The following GPBP1 variants were observed in gnomAD, a reference collection of about 807,000 sequenced individuals.
GPBP1 encodes vasculin.
GPBP1 carries 13 observed loss-of-function variants against 56.5 expected under a neutral mutation model. That is an observed-to-expected ratio of 0.23 (90% CI 0.15 to 0.37). The LOEUF (loss-of-function observed/expected upper bound fraction) is 0.37, where lower values mean the gene tolerates loss of function less well. Among genes scored for constraint, GPBP1 ranks in the 10% least tolerant of loss-of-function variants. The pLI is 1.00. For missense variants in GPBP1, 477 were observed against 572.3 expected (o/e 0.83, Z 1.70); for synonymous variants, 204 against 188.9 (o/e 1.08, Z -0.66).
intron 10 of GPBP1, among the ~76,000 whole-genome samples, chr5:57,252,078 C>T (rs1741417165): frequency 1.3e-5 from 2 of 152,038 alleles, no homozygotes; most frequent in Non-Finnish European, 2.9e-5. Flanking sequence ...GATAATTTCT[C>T]CCATTCTGTG....
chr5:57,214,475 T>G (rs1300478866), intron 3 of GPBP1, among the ~76,000 whole-genome samples: 2 of 151,920 alleles, frequency 1.3e-5, no homozygotes, highest in Admixed American at 6.6e-5. Context: ...TTCCCAGCTA[T>G]TCAAGAGGCT....
chr5:57,227,865 A>G (rs944006799), intron 3 of GPBP1, among the ~76,000 whole-genome samples: 2 of 152,234 alleles, frequency 1.3e-5, no homozygotes, highest in Admixed American at 6.5e-5. Context: ...TATAGCCAGC[A>G]TAGTAAAATA....
intron 3 of GPBP1, among the ~76,000 whole-genome samples, chr5:57,229,781 T>G (rs150234385): frequency 6.1e-4 from 93 of 152,140 alleles, no homozygotes; most frequent in African/African-American, 2.1e-3. Flanking sequence ...TCAGGTGATC[T>G]GCCCACCTCA....
At chr5:57,219,419 C>CACA (rs1755848503) in intron 3 of GPBP1, among the ~76,000 whole-genome samples, 6 of 68,052 alleles carry the variant, frequency 8.8e-5, no homozygotes, top group Non-Finnish European at 1.5e-4. Flanking sequence ...AACAAACAAA[C>CACA]AAAAAAAAAA....
chr5:57,191,549 T>G (rs1312453644), intron 2 of GPBP1, among the ~76,000 whole-genome samples: 1 of 129,822 alleles, frequency 7.7e-6, no homozygotes, highest in Non-Finnish European at 1.6e-5. Context: ...AAAATACATT[T>G]ATCTTTAGGT....
chr5:57,213,359 C>A (rs1053757922), intron 2 of GPBP1, among the ~76,000 whole-genome samples: 1 of 152,104 alleles, frequency 6.6e-6, no homozygotes, highest in Admixed American at 6.6e-5. Context: ...CCGGTGTCTT[C>A]CTTCTAAAAC....
Position 57,246,283 on chromosome 5 carries a change from A to T in GPBP1, c.479-17A>T. ...TTGAAATTGTGAGTGACTCTTGGTC[A>T]TGCTTTATTTATGCAGAATATCCTC... is the stretch of plus-strand genomic sequence containing the variant. On this transcript the variant is annotated splice_polypyrimidine_tract_variant and intron_variant, in intron 6 of 11. Coordinates refer to ENST00000506184, the MANE Select transcript of GPBP1 (RefSeq NM_022913.4). 1 of 1,593,810 alleles carries T rather than the reference A, an allele frequency of 6.3e-7. No homozygotes were observed. The highest frequency in any genetic ancestry group is 8.6e-7 in the Non-Finnish European group (1 of 1,167,380).
chr5:57,180,633 CTGTA>C (rs1433658545), intron 2 of GPBP1, among the ~76,000 whole-genome samples: 3 of 152,114 alleles, frequency 2.0e-5, no homozygotes, highest in Non-Finnish European at 2.9e-5. Flanking sequence ...GCCTGTGTGA[CTGTA>C]TGTTCACCTA....
intron 6 of GPBP1, among the ~76,000 whole-genome samples, chr5:57,238,951 A>G (rs1227855397): frequency 6.6e-6 from 1 of 152,224 alleles, no homozygotes; most frequent in Admixed American, 6.5e-5. Flanking sequence ...TATTTGCCAC[A>G]AGCATACAGA....
At position 57,250,717 on chromosome 5, in the gene GPBP1, G is replaced by A. The variant is rs150413908; in HGVS notation, c.973-237G>A. Among the ~76,000 whole-genome samples the A allele has an allele frequency of 4.4e-3, 665 of 151,814 alleles. 4 individuals carry two copies. Among genetic ancestry groups the A allele is most frequent in the African/African-American group, 0.015 (612 of 41,426 alleles). On this transcript the variant is annotated intron_variant, in intron 9 of 11. Transcript: ENST00000506184. The stretch of plus-strand genomic sequence containing the variant: ...ATCACCACGCCCAGCTAATTTTTTT[G>A]TATTTTTAGTAGAGATGGGGTTTCA...
intron 3 of GPBP1, among the ~76,000 whole-genome samples, chr5:57,223,327 G>T (rs182157543): frequency 6.6e-6 from 1 of 151,960 alleles, no homozygotes; most frequent in East Asian, 1.9e-4. Flanking sequence ...TGACCCCTTG[G>T]TCCTCCTACC....
chr5:57,250,922 C>CTTTTTT, intron 9 of GPBP1, 32 bp from the exon 10 acceptor site: 1 of 1,172,704 alleles, frequency 8.5e-7, no homozygotes, highest in Admixed American at 2.6e-5. Context: ...AGAACTCATT[C>CTTTTTT]TTTTTTTTTT....
At chr5:57,199,853 C>T (rs1218817593) in intron 2 of GPBP1, among the ~76,000 whole-genome samples, 1 of 151,694 alleles carries the variant, frequency 6.6e-6, no homozygotes, top group Admixed American at 6.6e-5. Context: ...TTAGGTATAC[C>T]TGGAATATAT....
At chr5:57,228,544 G>A (rs1434505712) in intron 3 of GPBP1, among the ~76,000 whole-genome samples, 1 of 151,706 alleles carries the variant, frequency 6.6e-6, no homozygotes, top group African/African-American at 2.4e-5. Context: ...GGAGGCTGAG[G>A]CAGGAGCATC....
Position 57,181,640 on chromosome 5 carries a change from T to C in GPBP1, c.-58+5240T>C, listed in dbSNP as rs570700125. ...TGCGGGGGCAGGGAATACATCTCTT[T>C]TCAAACTCCTGACCTCAGGTGTTCT... On this transcript the variant is annotated intron_variant, in intron 2 of 11. Transcript: ENST00000506184. Among the ~76,000 whole-genome samples, 13 of 152,024 alleles carry C rather than the reference T, an allele frequency of 8.6e-5. No individual in the cohort carries two copies. In the South Asian group the frequency reaches 2.7e-3, roughly 32 times the overall value.
At chr5:57,178,394 G>A (rs1753892096) in intron 2 of GPBP1, among the ~76,000 whole-genome samples, 1 of 152,020 alleles carries the variant, frequency 6.6e-6, no homozygotes, top group Non-Finnish European at 1.5e-5. Context: ...ACAGGTGCCC[G>A]CCACCACGCC....
At chr5:57,178,327 A>G (rs1200898996) in intron 2 of GPBP1, among the ~76,000 whole-genome samples, 1 of 152,080 alleles carries the variant, frequency 6.6e-6, no homozygotes, top group African/African-American at 2.4e-5. Context: ...GGCTCACTGC[A>G]ACCTCCGCCT....
At position 57,263,913 on chromosome 5, in the gene GPBP1, C is replaced by T. The variant is rs1040865428; in HGVS notation, c.*1161C>T. 6.6e-6 allele frequency: 1 copy of T among 152,068 alleles called. No individual in the cohort carries two copies. Among genetic ancestry groups the T allele is most frequent in the Non-Finnish European group, 1.5e-5 (1 of 67,998 alleles). 9.4% of individuals were successfully genotyped at this position (152,068 alleles called of 1,614,324 possible). A position where few individuals can be genotyped will look rare whatever the true frequency, so the allele number is the denominator to read the frequency against. ...TTTGTTTACCCCCATTTGCTTTTAG[C>T]TCCCCCTTATGTTTAAATATATTCT... On this transcript the variant is annotated 3_prime_UTR_variant, in exon 12 of 12. Coordinates refer to ENST00000506184, the MANE Select transcript of GPBP1 (RefSeq NM_022913.4).
intron 3 of GPBP1, among the ~76,000 whole-genome samples, chr5:57,227,483 T>G (rs1345721250): frequency 6.6e-6 from 1 of 152,182 alleles, no homozygotes. Context: ...CATGAGACAC[T>G]GCACCCAGTC....
Sources: gnomAD v4.1 joint callset for allele counts (sites outside exome capture counted in the v4.1 genomes callset) on GRCh38, gnomAD v4.1.1 for gene constraint, MANE v1.5 for transcripts, NCBI Gene and HGNC (gene_info 2026-07-23, HGNC 2026-07-21) for gene names.